Variants in TNR observed in about 807,000 individuals in gnomAD.
TNR encodes tenascin-R.
A neutral mutation model predicts 150.4 loss-of-function variants in TNR; 45 were observed. The ratio of observed to expected loss-of-function variants is 0.30; its 90% CI spans 0.24 to 0.38. The LOEUF (loss-of-function observed/expected upper bound fraction) is 0.38. Among genes scored for constraint, TNR ranks in the 10% least tolerant of loss-of-function variants. The probability of loss-of-function intolerance (pLI) is 1.00; values close to 1 mark genes in which losing one functional copy is unlikely to be tolerated. For synonymous variants in TNR, 687 were observed against 678.4 expected, an observed-to-expected ratio of 1.01 and a Z score of -0.20; for missense variants, 1,544 against 1,759.1, an observed-to-expected ratio of 0.88 and a Z score of 2.19.
At chr1:175,543,292 G>A (rs1660571325) in intron 1 of TNR, among the ~76,000 whole-genome samples, 1 of 152,188 alleles carries the variant, frequency 6.6e-6, no homozygotes, top group Admixed American at 6.5e-5. Flanking sequence ...AGAGAATGCA[G>A]CTGCAGAGGA....
chr1:175,549,248 T>C (rs1660839165), intron 1 of TNR, among the ~76,000 whole-genome samples: 1 of 152,222 alleles, frequency 6.6e-6, no homozygotes, highest in African/African-American at 2.4e-5. Flanking sequence ...GGGCCATAAC[T>C]AAAGGGAGCA....
intron 2 of TNR, among the ~76,000 whole-genome samples, chr1:175,408,412 C>T (rs1484186596): frequency 6.6e-6 from 1 of 152,184 alleles, no homozygotes; most frequent in African/African-American, 2.4e-5. Context: ...GAAAAAAATG[C>T]CTGAGGGTTG....
chr1:175,608,752 G>A (rs1298848442), intron 1 of TNR, among the ~76,000 whole-genome samples: 5 of 152,200 alleles, frequency 3.3e-5, no homozygotes, highest in East Asian at 1.9e-4. Context: ...AGCCTTGTAC[G>A]TTTGAGAAGA....
At chr1:175,423,800 T>C (rs902167654) in intron 2 of TNR, among the ~76,000 whole-genome samples, 3 of 152,068 alleles carry the variant, frequency 2.0e-5, no homozygotes, top group Admixed American at 6.6e-5. Context: ...AGGGTGCAGC[T>C]AGGGTCAACT....
intron 1 of TNR, among the ~76,000 whole-genome samples, chr1:175,703,991 T>G (rs1369142351): frequency 6.6e-6 from 1 of 152,238 alleles, no homozygotes; most frequent in Non-Finnish European, 1.5e-5. Context: ...TTTATTTCTT[T>G]GTGTTATCTT....
chr1:175,506,883 G>C (rs1409572081), intron 2 of TNR, among the ~76,000 whole-genome samples: 1 of 152,228 alleles, frequency 6.6e-6, no homozygotes, highest in Admixed American at 6.5e-5. Context: ...GCCAAGGATG[G>C]ACTGGACACA....
intron 1 of TNR, among the ~76,000 whole-genome samples, chr1:175,604,479 G>C (rs1056386060): frequency 6.6e-6 from 1 of 152,188 alleles, no homozygotes; most frequent in Non-Finnish European, 1.5e-5. Context: ...GCCAAGGAAG[G>C]TCACCCAAGG....
chr1:175,459,112 C>T (rs937065631), intron 2 of TNR, among the ~76,000 whole-genome samples: 1 of 151,898 alleles, frequency 6.6e-6, no homozygotes, highest in African/African-American at 2.4e-5. Flanking sequence ...ATATTATTAC[C>T]ATCACCATCC....
intron 2 of TNR, among the ~76,000 whole-genome samples, chr1:175,514,519 T>C (rs1178451320): frequency 1.3e-5 from 2 of 152,214 alleles, no homozygotes; most frequent in East Asian, 3.8e-4. Flanking sequence ...AATACACAGA[T>C]ACATCCCTTC....
chr1:175,734,204 T>C (rs889638965), intron 1 of TNR, among the ~76,000 whole-genome samples: 1 of 152,214 alleles, frequency 6.6e-6, no homozygotes, highest in African/African-American at 2.4e-5. Context: ...GCCCCTGATC[T>C]CCAGCCTCAA....
chr1:175,417,069 A>AAGAAAGAAAGAAAGAAAGAAAGAAAGAG lies in TNR; in HGVS notation c.-63-10293_-63-10292insCTCTTTCTTTCTTTCTTTCTTTCTTTCT, dbSNP rs1557920330. Among the ~76,000 whole-genome samples the AAGAAAGAAAGAAAGAAAGAAAGAAAGAG allele has an allele frequency of 9.3e-5, 13 of 139,510 alleles. 1 individual carries two copies. The highest frequency in any genetic ancestry group is 7.3e-4 in the Admixed American group (10 of 13,752). 91.5% of individuals were successfully genotyped at this position (139,510 alleles called of 152,430 possible). ...AAAGAAAGAAAGAAAGAAAGAAAGAAAGAAAGAAATCTAAGAAGTGGTCTC... is the reference window on the plus strand; with the variant it reads ...AAAGAAAGAAAGAAAGAAAGAAAGAAAGAAAGAAAGAAAGAAAGAAAGAAAGAGAGAAAGAAATCTAAGAAGTGGTCTC... On this transcript the variant is annotated intron_variant, in intron 2 of 22. Coordinates refer to ENST00000367674, the MANE Select transcript of TNR (RefSeq NM_003285.3).
chr1:175,323,596 C>A (rs774695050), intron 22 of TNR, 120 bp from the exon 23 acceptor site: 1 of 1,406,034 alleles, frequency 7.1e-7, no homozygotes, highest in Non-Finnish European at 9.6e-7. Context: ...TTTCAGCTAA[C>A]ATGAAGCTTC....
chr1:175,495,261 T>A (rs1488578597), intron 2 of TNR, among the ~76,000 whole-genome samples: 2 of 152,212 alleles, frequency 1.3e-5, no homozygotes, highest in Non-Finnish European at 2.9e-5. Context: ...GGAACCCAGA[T>A]GAGGGAGTGA....
intron 2 of TNR, among the ~76,000 whole-genome samples, chr1:175,459,826 G>T (rs1656735937): frequency 6.6e-6 from 1 of 152,016 alleles, no homozygotes; most frequent in Non-Finnish European, 1.5e-5. Flanking sequence ...TGCCCGGAAA[G>T]ATTCTATAAA....
rs1653967894 is a variant in TNR, at chr1:175,406,456, C to A, written c.259G>T (p.Ala87Ser). ...TCTTCTGCACTCACCTCCTGCTCAG[C>A]AGAGGCCTCTAGCCCTGAGGAGCAG... is the stretch of plus-strand genomic sequence containing the variant. ...NLCSSGLEAS[A>S]EQEVSAEDET... Residue 87 changes from alanine to serine, a missense_variant, in exon 3 of 23, where the codon GCT (alanine) becomes TCT (serine). Physicochemically the swap from Ala to Ser is moderately conservative, Grantham distance 99 (BLOSUM62 1). Coordinates refer to ENST00000367674, the MANE Select transcript of TNR (RefSeq NM_003285.3). The A allele has an allele frequency of 6.2e-7, 1 of 1,614,218 alleles. No individual in the cohort carries two copies. Among genetic ancestry groups the A allele is most frequent in the Non-Finnish European group, 8.5e-7 (1 of 1,180,036 alleles).
At chr1:175,402,745 T>G (rs1653772699) in intron 4 of TNR, among the ~76,000 whole-genome samples, 1 of 152,144 alleles carries the variant, frequency 6.6e-6, no homozygotes, top group Non-Finnish European at 1.5e-5. Context: ...AGGGAGACAA[T>G]TTTGAGCAGG....
intron 1 of TNR, among the ~76,000 whole-genome samples, chr1:175,571,589 C>T (rs1661873722): frequency 6.6e-6 from 1 of 152,212 alleles, no homozygotes; most frequent in African/African-American, 2.4e-5. Flanking sequence ...CATAACTCCA[C>T]TTCCTCTCCT....
chr1:175,667,975 C>G (rs993132555), intron 1 of TNR, among the ~76,000 whole-genome samples: 1 of 152,186 alleles, frequency 6.6e-6, no homozygotes, highest in Non-Finnish European at 1.5e-5. Flanking sequence ...GTTAGCATCA[C>G]CCTGGAGCAT....
intron 20 of TNR, among the ~76,000 whole-genome samples, chr1:175,331,078 C>CCTTCTTTCTTTCTTTCT (rs1649823861): frequency 1.7e-5 from 1 of 59,906 alleles, no homozygotes; most frequent in African/African-American, 6.3e-5. Context: ...TCTTTCTTTC[C>CCTTCTTTCTTTCTTTCT]TTCTTTCTTT....
Sources: gnomAD v4.1 joint callset for allele counts (sites outside exome capture counted in the v4.1 genomes callset) on GRCh38, gnomAD v4.1.1 for gene constraint, MANE v1.5 for transcripts, NCBI Gene and HGNC (gene_info 2026-07-23, HGNC 2026-07-21) for gene names.